Variants in CCDC146 observed in about 807,000 individuals in gnomAD.
CCDC146 encodes the protein coiled-coil domain-containing protein 146.
A neutral mutation model predicts 119.3 loss-of-function variants in CCDC146; 92 were observed. That is an observed-to-expected ratio of 0.77 (90% CI 0.65 to 0.92). The LOEUF (loss-of-function observed/expected upper bound fraction) is 0.92. Among genes scored for constraint, CCDC146 ranks in the 40% least tolerant of loss-of-function variants. The pLI, the probability that CCDC146 is intolerant of heterozygous loss-of-function variation, is 0.00. For synonymous variants in CCDC146, 372 were observed against 371.8 expected (o/e 1.00, Z -0.01); for missense variants, 1,000 against 1,103.0 (o/e 0.91, Z 1.32).
intron 15 of CCDC146, among the ~76,000 whole-genome samples, chr7:77,284,230 A>C (rs879376915): frequency 3.3e-5 from 5 of 152,186 alleles, no homozygotes; most frequent in Non-Finnish European, 7.3e-5. Flanking sequence ...ACAGAAATGC[A>C]AAGCACTTCA....
At chr7:77,259,893 T>TA in intron 7 of CCDC146, 116 bp from the exon 8 acceptor site, 1 of 712,386 alleles carries the variant, frequency 1.4e-6, no homozygotes, top group Non-Finnish European at 2.4e-6. Flanking sequence ...GCTGCATGGT[T>TA]AGAAAGCAAG....
chr7:77,148,847 A>C (rs1315182082), intron 1 of CCDC146, among the ~76,000 whole-genome samples: 2 of 151,924 alleles, frequency 1.3e-5, no homozygotes, highest in Non-Finnish European at 2.9e-5. Flanking sequence ...AACAAATGGA[A>C]AAACATTCCA....
chr7:77,258,196 A>G (rs1793217195), intron 6 of CCDC146: 1 of 152,262 alleles, frequency 6.6e-6, no homozygotes, highest in Non-Finnish European at 1.5e-5. Flanking sequence ...TTAGATCACC[A>G]CATCAGTTAG....
chr7:77,129,203 T>C (rs189448891), intron 1 of CCDC146, among the ~76,000 whole-genome samples: 1 of 152,272 alleles, frequency 6.6e-6, no homozygotes, highest in East Asian at 1.9e-4. Flanking sequence ...ACTGTCTCAC[T>C]CCATCCTTTG....
chr7:77,155,616 G>A (rs1791168483), intron 1 of CCDC146, among the ~76,000 whole-genome samples: 1 of 152,168 alleles, frequency 6.6e-6, no homozygotes, highest in Non-Finnish European at 1.5e-5. Context: ...TATACTCTCT[G>A]ATTGTCAATT....
intron 1 of CCDC146, among the ~76,000 whole-genome samples, chr7:77,160,979 C>T (rs902299928): frequency 6.6e-6 from 1 of 152,110 alleles, no homozygotes; most frequent in Admixed American, 6.5e-5. Context: ...GGGCGAAGGA[C>T]ATGAACAGAC....
intron 2 of CCDC146, among the ~76,000 whole-genome samples, chr7:77,235,649 G>C (rs925226259): frequency 3.3e-5 from 5 of 152,272 alleles, no homozygotes; most frequent in African/African-American, 1.2e-4. Context: ...ACATAACCTT[G>C]TCTGATTTTT....
At chr7:77,158,252 ACT>A (rs1791205544) in intron 1 of CCDC146, among the ~76,000 whole-genome samples, 1 of 152,082 alleles carries the variant, frequency 6.6e-6, no homozygotes. Flanking sequence ...TTATAGGAAA[ACT>A]CAATAAATAT....
intron 3 of CCDC146, among the ~76,000 whole-genome samples, chr7:77,240,287 C>T (rs112181697): frequency 6.6e-5 from 10 of 152,286 alleles, no homozygotes; most frequent in South Asian, 2.1e-4. Context: ...TGGACACCAG[C>T]GGTAGTACTT....
rs751478343 is a variant in CCDC146 at position 77,294,847 on chromosome 7, T to A, written c.2849T>A (p.Ile950Lys). The change falls in exon 19 of 19, where the codon ATA (isoleucine) becomes AAA (lysine). Residue 950 changes from isoleucine to lysine, a missense_variant. Ile to Lys is a moderately radical substitution (Grantham distance 102). Transcript: ENST00000285871. ...ATGAGGCACATAAGGAAACCTGTTA[T>A]AAAGCCAGTTGAAATCTGAATATGT... is the stretch of plus-strand genomic sequence containing the variant. ...ANMRHIRKPV[I>K]KPVEI The A allele has an allele frequency of 1.2e-6, 2 of 1,613,832 alleles. No homozygotes were observed. Among genetic ancestry groups the A allele is most frequent in the South Asian group, 2.2e-5 (2 of 91,058 alleles).
At chr7:77,206,166 A>G (rs1792076677) in intron 2 of CCDC146, among the ~76,000 whole-genome samples, 1 of 152,258 alleles carries the variant, frequency 6.6e-6, no homozygotes, top group Admixed American at 6.5e-5. Flanking sequence ...GACAAGATCT[A>G]TGAATAATGA....
intron 2 of CCDC146, among the ~76,000 whole-genome samples, chr7:77,179,921 G>A (rs1332761619): frequency 6.6e-6 from 1 of 152,028 alleles, no homozygotes; most frequent in Non-Finnish European, 1.5e-5. Flanking sequence ...CCTCCTGTAA[G>A]GAGAATCATA....
intron 2 of CCDC146, among the ~76,000 whole-genome samples, chr7:77,187,713 A>G (rs941901208): frequency 1.3e-5 from 2 of 152,200 alleles, no homozygotes; most frequent in African/African-American, 2.4e-5. Flanking sequence ...TGCACCAGGG[A>G]GACTATCACT....
At chr7:77,186,755 C>T (rs1791674024) in intron 2 of CCDC146, among the ~76,000 whole-genome samples, 1 of 152,132 alleles carries the variant, frequency 6.6e-6, no homozygotes. Flanking sequence ...CCCCCAAAAT[C>T]ATAGCAGACT....
intron 2 of CCDC146, among the ~76,000 whole-genome samples, chr7:77,235,915 C>T (rs916337773): frequency 6.6e-6 from 1 of 151,862 alleles, no homozygotes; most frequent in African/African-American, 2.4e-5. Flanking sequence ...ACTAAAAATA[C>T]AAAAAATTAG....
chr7:77,191,321 C>T (rs1374950661), intron 2 of CCDC146, among the ~76,000 whole-genome samples: 1 of 152,128 alleles, frequency 6.6e-6, no homozygotes, highest in African/African-American at 2.4e-5. Context: ...TTGCTTCTCA[C>T]CTATGTTCAC....
intron 2 of CCDC146, among the ~76,000 whole-genome samples, chr7:77,170,210 T>C (rs1490279748): frequency 2.0e-5 from 3 of 152,194 alleles, no homozygotes; most frequent in Non-Finnish European, 4.4e-5. Flanking sequence ...CTCCCACTTA[T>C]AAATGAGAAT....
At chr7:77,208,534 A>G (rs902229367) in intron 2 of CCDC146, among the ~76,000 whole-genome samples, 10 of 152,208 alleles carry the variant, frequency 6.6e-5, no homozygotes, top group Non-Finnish European at 8.8e-5. Flanking sequence ...CCACCATCCT[A>G]TATGTGGTTC....
chr7:77,195,449 T>G (rs1791849751), intron 2 of CCDC146: 1 of 152,230 alleles, frequency 6.6e-6, no homozygotes, highest in African/African-American at 2.4e-5. Flanking sequence ...TGAACAAGTT[T>G]AATTATATAG....
Sources: gnomAD v4.1 joint callset for allele counts (sites outside exome capture counted in the v4.1 genomes callset) on GRCh38, gnomAD v4.1.1 for gene constraint, MANE v1.5 for transcripts, NCBI Gene and HGNC (gene_info 2026-07-23, HGNC 2026-07-21) for gene names.